LRRC1: variants seen among roughly 807,000 people sequenced by gnomAD.
LRRC1 encodes the protein leucine-rich repeat-containing protein 1.
LRRC1 carries 28 observed loss-of-function variants against 69.9 expected under a neutral mutation model. The ratio of observed to expected loss-of-function variants is 0.40; its 90% CI spans 0.30 to 0.55. LRRC1 has a LOEUF of 0.55. Among genes scored for constraint, LRRC1 ranks in the 20% least tolerant of loss-of-function variants. The pLI is 0.47. For missense variants in LRRC1, 498 were observed against 609.0 expected, an observed-to-expected ratio of 0.82 and a Z score of 1.92; for synonymous variants, 236 against 240.2, an observed-to-expected ratio of 0.98 and a Z score of 0.16.
chr6:53,922,120 G>C (rs1177641176), intron 13 of LRRC1, among the ~76,000 whole-genome samples: 2 of 152,120 alleles, frequency 1.3e-5, no homozygotes, highest in East Asian at 3.9e-4. Context: ...CATAGAAATA[G>C]TACACACAGC....
At position 53,913,960 on chromosome 6, in the gene LRRC1, C is replaced by T; in HGVS notation, c.1097C>T (p.Ala366Val). 1 of 1,610,486 alleles carries T rather than the reference C, an allele frequency of 6.2e-7. No individual in the cohort carries two copies. Reference sequence around the variant, plus strand: ...ACAGAACTTCATGTCCTGGATGTGGCAGGGAACAGGTAAGCCTGTTGTAGT... The same window carrying T: ...ACAGAACTTCATGTCCTGGATGTGGTAGGGAACAGGTAAGCCTGTTGTAGT... ...QATELHVLDVAGNRLLHLPLS... is the reference protein window; with the variant it reads ...QATELHVLDVVGNRLLHLPLS... The change falls in exon 11 of 14, where the codon GCA (alanine) becomes GTA (valine). Residue 366 changes from alanine (A) to valine (V), a missense_variant. Physicochemically the swap from Ala to Val is moderately conservative, Grantham distance 64. Around this residue, in one of 3 missense-constraint regions of LRRC1, gnomAD observed 266 missense variants for 383.9 expected, o/e 0.69. Transcript: ENST00000370888.
At chr6:53,896,346 G>C in intron 4 of LRRC1, 152 bp from the exon 5 acceptor site, 1 of 673,438 alleles carries the variant, frequency 1.5e-6, no homozygotes, top group Non-Finnish European at 2.6e-6. Context: ...ATGGGTGTGG[G>C]GGGTGGTGAT....
chr6:53,805,090 A>G (rs921938993), intron 1 of LRRC1, among the ~76,000 whole-genome samples: 4 of 151,928 alleles, frequency 2.6e-5, no homozygotes, highest in African/African-American at 9.7e-5. Context: ...GTAGGTCTGG[A>G]AAAGGCCTCG....
intron 11 of LRRC1, among the ~76,000 whole-genome samples, chr6:53,915,734 A>T (rs1007024196): frequency 2.0e-5 from 3 of 152,230 alleles, no homozygotes; most frequent in African/African-American, 7.2e-5. Context: ...AAGTCGAGTT[A>T]CATAGCTGTC....
chr6:53,882,999 G>A, intron 4 of LRRC1, 23 bp downstream of exon 4: 1 of 1,451,250 alleles, frequency 6.9e-7, no homozygotes, highest in Non-Finnish European at 9.6e-7. Flanking sequence ...GTGAAGTTTG[G>A]GTGGATCAGG....
Position 53,843,127 on chromosome 6 carries a change from A to G in LRRC1, c.277+900A>G, listed in dbSNP as rs79661515. Among the ~76,000 whole-genome samples, 1,406 of 152,282 alleles carry G rather than the reference A, an allele frequency of 9.2e-3. 31 individuals carry two copies. The highest frequency in any genetic ancestry group is 0.09 in the East Asian group (468 of 5,182). ...CAGTTCTTGTAAGGACCCTGGTACA[A>G]TTTCCTTAGGATAGTCTTGAACAAG... On this transcript the variant is annotated intron_variant, in intron 2 of 13. Coordinates refer to ENST00000370888, the MANE Select transcript of LRRC1 (RefSeq NM_018214.5).
At chr6:53,881,408 T>G (rs1767288749) in intron 3 of LRRC1, among the ~76,000 whole-genome samples, 1 of 152,222 alleles carries the variant, frequency 6.6e-6, no homozygotes, top group South Asian at 2.1e-4. Flanking sequence ...ACTATATTTT[T>G]CTTATGTTTA....
chr6:53,892,765 C>T (rs1767745704), intron 4 of LRRC1, among the ~76,000 whole-genome samples: 1 of 152,186 alleles, frequency 6.6e-6, no homozygotes, highest in African/African-American at 2.4e-5. Context: ...GAACCATGTT[C>T]TGGAGTGGGC....
At chr6:53,894,918 G>C (rs1350575816) in intron 4 of LRRC1, among the ~76,000 whole-genome samples, 3 of 151,782 alleles carry the variant, frequency 2.0e-5, no homozygotes, top group Non-Finnish European at 4.4e-5. Context: ...TGACATATTA[G>C]CGGGGAGTTT....
rs753164236 is a variant in LRRC1 at position 53,795,271 on chromosome 6, C to A, written c.15C>A (p.Ile5=). MFHC[I]PLWRCNRHVE... is the part of the protein sequence containing the mutation. The stretch of plus-strand genomic sequence containing the variant: ...CGGGGGCGGCGATGTTCCACTGCAT[C>A]CCCCTGTGGCGGTGCAACCGTCATG... The change falls in exon 1 of 14, where the codon ATC becomes ATA. Residue 5 remains isoleucine, a synonymous_variant. Coordinates refer to ENST00000370888, the MANE Select transcript of LRRC1 (RefSeq NM_018214.5). The A allele has an allele frequency of 2.5e-6, 4 of 1,610,184 alleles. No individual in the cohort carries two copies. In the African/African-American group the frequency reaches 5.3e-5, roughly 22 times the overall value.
At chr6:53,857,064 T>C (rs1434195244) in intron 2 of LRRC1, among the ~76,000 whole-genome samples, 3 of 152,088 alleles carry the variant, frequency 2.0e-5, no homozygotes, top group Non-Finnish European at 4.4e-5. Context: ...TGAGATGCCG[T>C]TGGAGTATCT....
intron 11 of LRRC1, chr6:53,918,884 G>A (rs548952526): frequency 1.3e-5 from 2 of 152,352 alleles, no homozygotes; most frequent in South Asian, 4.1e-4. Context: ...ACTCTGAGAA[G>A]TGAGAGCTTC....
chr6:53,900,225 G>C (rs1484170880), intron 8 of LRRC1, among the ~76,000 whole-genome samples: 1 of 151,842 alleles, frequency 6.6e-6, no homozygotes, highest in Non-Finnish European at 1.5e-5. Flanking sequence ...TTTTAGTAGA[G>C]ACGGGGTTTC....
At chr6:53,856,559 G>A (rs990767754) in intron 2 of LRRC1, among the ~76,000 whole-genome samples, 1 of 152,132 alleles carries the variant, frequency 6.6e-6, no homozygotes, top group South Asian at 2.1e-4. Context: ...TCATTTCTGG[G>A]CAGATGAAAT....
intron 1 of LRRC1, among the ~76,000 whole-genome samples, chr6:53,817,270 G>C (rs1764977883): frequency 6.6e-6 from 1 of 152,068 alleles, no homozygotes; most frequent in African/African-American, 2.4e-5. Flanking sequence ...AGCTCCTTGA[G>C]GGAAGGGACT....
chr6:53,817,744 C>G (rs1277513100), intron 1 of LRRC1, among the ~76,000 whole-genome samples: 1 of 152,066 alleles, frequency 6.6e-6, no homozygotes, highest in Non-Finnish European at 1.5e-5. Flanking sequence ...TGGTACTTGT[C>G]TTTCTGTGTT....
At chr6:53,797,719 G>C (rs968743524) in intron 1 of LRRC1, among the ~76,000 whole-genome samples, 2 of 152,202 alleles carry the variant, frequency 1.3e-5, no homozygotes, top group African/African-American at 2.4e-5. Flanking sequence ...GCACTCTCCA[G>C]GTTTCAGTGT....
chr6:53,885,213 A>C (rs1249328281), intron 4 of LRRC1, among the ~76,000 whole-genome samples: 1 of 152,242 alleles, frequency 6.6e-6, no homozygotes, highest in Non-Finnish European at 1.5e-5. Flanking sequence ...GACCTTTTGG[A>C]AAATGCACTT....
Position 53,795,109 on chromosome 6 carries a change from G to T in LRRC1, c.-148G>T, listed in dbSNP as rs1764247511. The T allele has an allele frequency of 2.9e-6, 2 of 699,454 alleles. No individual in the cohort carries two copies. Among genetic ancestry groups the T allele is most frequent in the Non-Finnish European group, 4.5e-6 (2 of 446,450 alleles). The allele number at this position is 699,454 out of a possible 1,614,324, so 43.3% of individuals were successfully genotyped here. A position where few individuals can be genotyped will look rare whatever the true frequency, so the allele number is the denominator to read the frequency against. ...CAGGTTCCTTGAAGCACTTCCGACC[G>T]CGAAGCCCGGCGCGAGAAGCGAGCT... On this transcript the variant is annotated 5_prime_UTR_variant, in exon 1 of 14. Coordinates refer to ENST00000370888, the MANE Select transcript of LRRC1 (RefSeq NM_018214.5).
Sources: allele counts gnomAD v4.1 joint callset (sites outside exome capture counted in the v4.1 genomes callset), GRCh38; gene constraint gnomAD v4.1.1; regional missense constraint gnomAD v4.1.1; transcripts MANE v1.5; gene names NCBI Gene and HGNC (gene_info 2026-07-23, HGNC 2026-07-21).